The following VPS13B variants were observed in gnomAD, a reference collection of about 807,000 sequenced individuals.
The protein encoded by VPS13B is vacuolar protein sorting 13 homolog B.
A neutral mutation model predicts 426.4 loss-of-function variants in VPS13B; 285 were observed. The observed-to-expected ratio is 0.67, with a 90% CI of 0.61 to 0.74. VPS13B has a LOEUF of 0.74. Among genes scored for constraint, VPS13B ranks in the 30% least tolerant of loss-of-function variants. VPS13B has a pLI of 0.00. For missense variants in VPS13B, 4,537 were observed against 4,782.6 expected, an observed-to-expected ratio of 0.95 and a Z score of 1.51; for synonymous variants, 1,676 against 1,676.4, an observed-to-expected ratio of 1.00 and a Z score of 0.01.
chr8:99,469,999 C>G (rs1819316203), intron 24 of VPS13B, among the ~76,000 whole-genome samples: 1 of 152,170 alleles, frequency 6.6e-6, no homozygotes, highest in Non-Finnish European at 1.5e-5. Flanking sequence ...AAGGATTGTA[C>G]TCAGAATCTC....
At position 99,875,933 on chromosome 8, in the gene VPS13B, A is replaced by ATCCTT; in HGVS notation, c.*268_*272dup. 2.0e-6 allele frequency: 1 copy of ATCCTT among 500,242 alleles called. No homozygotes were observed. Among genetic ancestry groups the ATCCTT allele is most frequent in the African/African-American group, 1.9e-5 (1 of 51,940 alleles). The allele number at this position is 500,242 out of a possible 1,614,324, so 31.0% of individuals were successfully genotyped here. ...CAAGGCCAACAGTTTCCTTATTTAC[A>ATCCTT]TCCTTACCTCTAAAAGATACTTCAA... On this transcript the variant is annotated 3_prime_UTR_variant, in exon 62 of 62. Coordinates refer to ENST00000357162, the MANE Select transcript of VPS13B (RefSeq NM_152564.5).
Position 99,821,318 on chromosome 8 carries a change from T to A in VPS13B, c.9019T>A (p.Trp3007Arg). The change falls in exon 50 of 62, where the codon TGG (tryptophan) becomes AGG (arginine). Residue 3007 changes from tryptophan (W) to arginine (R), a missense_variant. Around this residue, in one of 2 missense-constraint regions of VPS13B, gnomAD observed 4,311 missense variants for 4,474.3 expected, o/e 0.96. Coordinates refer to ENST00000357162, the MANE Select transcript of VPS13B (RefSeq NM_152564.5). Reference sequence around the variant, plus strand: ...GGAAGCTTTTCAAATTGGAATATACTGGGCAAATACAAACACTGTGCACAA... The same window carrying A: ...GGAAGCTTTTCAAATTGGAATATACAGGGCAAATACAAACACTGTGCACAA... Reference protein sequence around the residue: ...FQEAFQIGIYWANTNTVHKSV... With the variant: ...FQEAFQIGIYRANTNTVHKSV... 6.2e-7 allele frequency: 1 copy of A among 1,613,752 alleles called. No individual in the cohort carries two copies.
At chr8:99,676,597 A>G (rs1264219776) in intron 35 of VPS13B, among the ~76,000 whole-genome samples, 4 of 151,836 alleles carry the variant, frequency 2.6e-5, no homozygotes, top group Admixed American at 1.3e-4. Context: ...GACACAGAGA[A>G]TGTCCTTCCT....
At chr8:99,385,108 G>C (rs1200524193) in intron 20 of VPS13B, among the ~76,000 whole-genome samples, 3 of 152,192 alleles carry the variant, frequency 2.0e-5, no homozygotes, top group Non-Finnish European at 4.4e-5. Context: ...GTTTAAAAAG[G>C]TATAAATTAG....
In VPS13B at chr8:99,169,930, C is replaced by G; in HGVS notation, c.2209-109C>G. ...TGGGAAGTGGAAAAAGACTTTGGAA[C>G]ATATTTAGTGTGCAGCTGTTGTAAA... On this transcript the variant is annotated intron_variant, in intron 15 of 61. Transcript: ENST00000357162. 6.2e-6 allele frequency: 8 copies of G among 1,294,292 alleles called. No individual in the cohort carries two copies. The South Asian group carries it at 9.6e-5, about 16-fold the overall frequency. 80.2% of individuals were successfully genotyped at this position (1,294,292 alleles called of 1,614,324 possible). A position where few individuals can be genotyped will look rare whatever the true frequency, so the allele number is the denominator to read the frequency against.
intron 20 of VPS13B, among the ~76,000 whole-genome samples, chr8:99,388,849 G>A (rs902894032): frequency 1.3e-5 from 2 of 152,154 alleles, no homozygotes; most frequent in Non-Finnish European, 2.9e-5. Context: ...TCTTGCCTGT[G>A]TGAAAATACA....
chr8:99,772,664 A>C (rs764610667), intron 40 of VPS13B, among the ~76,000 whole-genome samples: 1 of 152,236 alleles, frequency 6.6e-6, no homozygotes, highest in African/African-American at 2.4e-5. Context: ...AATAGTATGC[A>C]TCATATTTTC....
At chr8:99,686,596 C>T (rs57286336) in intron 35 of VPS13B, among the ~76,000 whole-genome samples, 3,716 of 152,064 alleles carry the variant, frequency 0.024, 208 homozygotes, top group African/African-American at 0.085. Context: ...CTCCTCCCTC[C>T]ACTTTCCACA....
chr8:99,846,297 ATTGT>A (rs747624236), intron 54 of VPS13B, among the ~76,000 whole-genome samples: 1 of 152,162 alleles, frequency 6.6e-6, no homozygotes, highest in Non-Finnish European at 1.5e-5. Context: ...TTGTCATCTC[ATTGT>A]TTGTGTACTT....
chr8:99,522,631 A>G (rs1167019669), intron 30 of VPS13B, among the ~76,000 whole-genome samples: 1 of 152,040 alleles, frequency 6.6e-6, no homozygotes, highest in African/African-American at 2.4e-5. Flanking sequence ...GGCTCAGGAC[A>G]ACTTGAATTC....
intron 17 of VPS13B, among the ~76,000 whole-genome samples, chr8:99,214,799 CAGA>C (rs1815296653): frequency 6.6e-6 from 1 of 152,142 alleles, no homozygotes; most frequent in African/African-American, 2.4e-5. Flanking sequence ...TTGAAAAACT[CAGA>C]TGTGACAAGT....
chr8:99,020,681 C>T (rs1367614728), intron 2 of VPS13B, among the ~76,000 whole-genome samples: 6 of 152,296 alleles, frequency 3.9e-5, no homozygotes, highest in South Asian at 2.1e-4. Context: ...GTTTTCCTAA[C>T]ACCATTTGTT....
chr8:99,057,297 C>T (rs559010969), intron 3 of VPS13B, among the ~76,000 whole-genome samples: 13 of 152,186 alleles, frequency 8.5e-5, no homozygotes, highest in Admixed American at 2.0e-4. Context: ...AGCACTTTGG[C>T]AGAGCTCATT....
Position 99,608,312 on chromosome 8 carries a change from C to T in VPS13B, c.5220+30679C>T, listed in dbSNP as rs1191999033. Among the ~76,000 whole-genome samples, 4 of 151,252 alleles carry T rather than the reference C, an allele frequency of 2.6e-5. No homozygotes were observed. The East Asian group carries it at 7.8e-4, about 29-fold the overall frequency. On this transcript the variant is annotated intron_variant, in intron 33 of 61. Coordinates refer to ENST00000357162, the MANE Select transcript of VPS13B (RefSeq NM_152564.5). ...CACAGAGACATGCCACCATGCCCAG[C>T]TAATTTTTTTTTTTTGTAGTGACAG...
chr8:99,349,874 G>A (rs1254572812), intron 19 of VPS13B, among the ~76,000 whole-genome samples: 3 of 151,914 alleles, frequency 2.0e-5, no homozygotes. Context: ...TGTTTTCGGT[G>A]GAGTGGCAAA....
At position 99,642,047 on chromosome 8, in the gene VPS13B, T is replaced by C; in HGVS notation, c.5457T>C (p.Ser1819=). The C allele has an allele frequency of 6.2e-7, 1 of 1,614,104 alleles. No individual in the cohort carries two copies. The highest frequency in any genetic ancestry group is 8.5e-7 in the Non-Finnish European group (1 of 1,180,000). The change falls in exon 34 of 62, where the codon AGT becomes AGC. Residue 1819 remains serine (S), a synonymous_variant. Transcript: ENST00000357162. ...FIPFDIFITA[S]RISLMTYSCM... ...CCTTTGACATATTTATTACTGCAAGTAGAATCTCACTAATGACCTATTCCT... is the reference window on the plus strand; with the variant it reads ...CCTTTGACATATTTATTACTGCAAGCAGAATCTCACTAATGACCTATTCCT...
intron 31 of VPS13B, among the ~76,000 whole-genome samples, chr8:99,561,150 A>G (rs1328988305): frequency 6.6e-6 from 1 of 152,130 alleles, no homozygotes; most frequent in Non-Finnish European, 1.5e-5. Context: ...CTTCACCCCA[A>G]AGTAAAATCC....
At chr8:99,441,291 A>G (rs1246948629) in intron 22 of VPS13B, among the ~76,000 whole-genome samples, 1 of 152,132 alleles carries the variant, frequency 6.6e-6, no homozygotes, top group African/African-American at 2.4e-5. Context: ...AAGGAATTCC[A>G]AACCTGTTAA....
chr8:99,864,047 T>G (rs896680906), intron 58 of VPS13B, among the ~76,000 whole-genome samples: 2 of 152,210 alleles, frequency 1.3e-5, no homozygotes, highest in African/African-American at 4.8e-5. Flanking sequence ...CTTTGTTTCA[T>G]GTACTCTTTG....
Sources: gnomAD v4.1 joint callset for allele counts (sites outside exome capture counted in the v4.1 genomes callset) on GRCh38, gnomAD v4.1.1 for gene constraint, gnomAD v4.1.1 regional missense constraint, MANE v1.5 for transcripts, NCBI Gene and HGNC (gene_info 2026-07-23, HGNC 2026-07-21) for gene names.